ANKRD36: variants seen among roughly 807,000 people sequenced by gnomAD.
ANKRD36 encodes the protein ankyrin repeat domain-containing protein 36A.
Under a neutral mutation model 278.1 loss-of-function variants are expected in ANKRD36, and 179 were observed. The observed-to-expected ratio is 0.64, with a 90% CI of 0.57 to 0.73. The LOEUF is 0.73. ANKRD36 is among the 30% of genes least tolerant of loss of function. ANKRD36 has a pLI of 0.00. For missense variants in ANKRD36, 1,159 were observed against 1,956.7 expected (o/e 0.59, Z 7.69); for synonymous variants, 320 against 641.1 (o/e 0.50, Z 7.57).
chr2:97,256,694 A>G (rs2076276485), intron 75 of ANKRD36, among the ~76,000 whole-genome samples: 1 of 137,494 alleles, frequency 7.3e-6, no homozygotes, highest in South Asian at 3.9e-4. Flanking sequence ...TCTCATATCT[A>G]TTTTATTTAT....
intron 67 of ANKRD36, among the ~76,000 whole-genome samples, 196 bp from the exon 68 acceptor site, chr2:97,233,534 G>T (rs1450194158): frequency 6.6e-6 from 1 of 152,048 alleles, no homozygotes; most frequent in Non-Finnish European, 1.5e-5. Flanking sequence ...ACAGGAACTG[G>T]GAAACTAATT....
At chr2:97,222,650 C>G (rs1329682921) in intron 66 of ANKRD36, among the ~76,000 whole-genome samples, 1 of 152,126 alleles carries the variant, frequency 6.6e-6, no homozygotes, top group East Asian at 1.9e-4. Context: ...TGTCATTTTG[C>G]TACTATTTCT....
rs371761670 is a variant in ANKRD36 at position 97,192,221 on chromosome 2, A to C, written c.2348-637A>C. Among the ~76,000 whole-genome samples the C allele has an allele frequency of 1.0e-3, 156 of 150,472 alleles. No homozygotes were observed. The East Asian group carries it at 0.018, about 17-fold the overall frequency. On this transcript the variant is annotated intron_variant, in intron 36 of 75. Coordinates refer to ENST00000420699, the MANE Select transcript of ANKRD36 (RefSeq NM_001354587.1). ...TGCCATGAGTGGATGAAGAAACTTT[A>C]GGAAGGCTAAACTAGTGGATACAAG...
Position 97,216,980 on chromosome 2 carries a change from T to C in ANKRD36, c.3674-197T>C. On this transcript the variant is annotated intron_variant, in intron 62 of 75. Coordinates refer to ENST00000420699, the MANE Select transcript of ANKRD36 (RefSeq NM_001354587.1). ...ATCATACCATGCTTGAAATTGTAAGTATATTTTTCATGAAGGCTGTATTAC... is the reference window on the plus strand; with the variant it reads ...ATCATACCATGCTTGAAATTGTAAGCATATTTTTCATGAAGGCTGTATTAC... The C allele has an allele frequency of 2.4e-6, 3 of 1,229,726 alleles. No individual in the cohort carries two copies. In the Admixed American group the frequency reaches 6.1e-5, roughly 25 times the overall value. The allele number at this position is 1,229,726 out of a possible 1,614,324, so 76.2% of individuals were successfully genotyped here.
At chr2:97,154,606 G>C in intron 14 of ANKRD36, 69 bp from the exon 15 acceptor site, 1 of 1,321,502 alleles carries the variant, frequency 7.6e-7, no homozygotes, top group South Asian at 1.2e-5. Flanking sequence ...TGCATGTATA[G>C]ACTGACGGTT....
intron 42 of ANKRD36, among the ~76,000 whole-genome samples, chr2:97,198,128 G>C (rs1332759924): frequency 7.9e-5 from 12 of 151,892 alleles, no homozygotes; most frequent in Admixed American, 2.6e-4. Context: ...CTTTGACATT[G>C]ATTCTCAGGT....
chr2:97,115,055 T>G (rs2034852720), intron 1 of ANKRD36, among the ~76,000 whole-genome samples: 1 of 152,018 alleles, frequency 6.6e-6, no homozygotes, highest in African/African-American at 2.4e-5. Flanking sequence ...CACCAATATG[T>G]GTAAGAATTT....
intron 3 of ANKRD36, among the ~76,000 whole-genome samples, chr2:97,121,276 T>C (rs2579536): frequency 5.9e-5 from 9 of 152,200 alleles, no homozygotes; most frequent in Non-Finnish European, 1.0e-4. Flanking sequence ...AGGTGAATCA[T>C]GGTATGGTTG....
chr2:97,211,942 T>C (rs1304406566), intron 58 of ANKRD36, among the ~76,000 whole-genome samples: 13 of 151,982 alleles, frequency 8.6e-5, no homozygotes, highest in African/African-American at 3.1e-4. Flanking sequence ...TATAGATGTC[T>C]GTACTTTGAA....
intron 6 of ANKRD36, among the ~76,000 whole-genome samples, chr2:97,141,380 AAG>A (rs56944060): frequency 0.023 from 3,178 of 137,374 alleles, 116 homozygotes; most frequent in African/African-American, 0.08. Context: ...AAAGTGGAAA[AAG>A]AGATGGCAAA....
chr2:97,204,153 C>CT (rs58556724), intron 49 of ANKRD36, 38 bp from the exon 50 acceptor site: 29,083 of 1,570,590 alleles, frequency 0.019, 572 homozygotes, highest in African/African-American at 0.091. Context: ...ACGAAACATA[C>CT]TTTATTAATT....
chr2:97,181,831 A>G, intron 26 of ANKRD36, 38 bp downstream of exon 26: 2 of 1,477,678 alleles, frequency 1.4e-6, no homozygotes, highest in Non-Finnish European at 1.9e-6. Context: ...ATGTTCAGTC[A>G]AGATAGAAAA....
At chr2:97,207,777 A>T (rs572066687) in intron 52 of ANKRD36, 34 bp from the exon 53 acceptor site, 1 of 1,522,250 alleles carries the variant, frequency 6.6e-7, no homozygotes, top group Admixed American at 2.0e-5. Flanking sequence ...TCATTTTTAC[A>T]CATGAGTGAT....
chr2:97,193,798 G>C (rs912020081), intron 38 of ANKRD36, among the ~76,000 whole-genome samples: 6 of 151,548 alleles, frequency 4.0e-5, no homozygotes, highest in Non-Finnish European at 8.8e-5. Context: ...TTGCTTCCTT[G>C]TTCAAGGAGC....
intron 56 of ANKRD36, among the ~76,000 whole-genome samples, chr2:97,211,081 G>A (rs916939060): frequency 7.9e-5 from 12 of 151,846 alleles, no homozygotes; most frequent in African/African-American, 2.7e-4. Context: ...AAATGTCTTC[G>A]TAATTGTGTG....
intron 75 of ANKRD36, among the ~76,000 whole-genome samples, chr2:97,260,645 C>T (rs1274610448): frequency 4.1e-4 from 47 of 114,166 alleles, no homozygotes. Context: ...TTAGCCAGTA[C>T]ATAAAGAGTC....
At chr2:97,231,440 G>T (rs1379392838) in intron 67 of ANKRD36, among the ~76,000 whole-genome samples, 20 of 152,162 alleles carry the variant, frequency 1.3e-4, no homozygotes, top group African/African-American at 4.8e-4. Context: ...CTCTGAGCCA[G>T]GTGCAGGATA....
chr2:97,140,622 G>A (rs2153447623), intron 6 of ANKRD36, among the ~76,000 whole-genome samples: 1 of 152,110 alleles, frequency 6.6e-6, no homozygotes, highest in South Asian at 2.1e-4. Context: ...GAGAGAGGAA[G>A]CCATGGGGCT....
At chr2:97,202,015 TG>T (rs2061510849) in intron 46 of ANKRD36, among the ~76,000 whole-genome samples, 186 bp from the exon 47 acceptor site, 3 of 151,910 alleles carry the variant, frequency 2.0e-5, no homozygotes, top group Admixed American at 1.3e-4. Context: ...GTATATTTCA[TG>T]GAGCCTGTAT....
Sources: allele counts gnomAD v4.1 joint callset (sites outside exome capture counted in the v4.1 genomes callset), GRCh38; gene constraint gnomAD v4.1.1; transcripts MANE v1.5; gene names NCBI Gene and HGNC (gene_info 2026-07-23, HGNC 2026-07-21).